COL5A1: variants seen among roughly 807,000 people sequenced by gnomAD.
COL5A1 encodes the protein collagen alpha-1(V) chain.
A neutral mutation model predicts 263.7 loss-of-function variants in COL5A1; 16 were observed. The observed-to-expected ratio is 0.06, with a 90% CI of 0.04 to 0.09. The LOEUF (loss-of-function observed/expected upper bound fraction) is 0.09. Among genes scored for constraint, COL5A1 ranks in the 10% least tolerant of loss-of-function variants. The pLI is 1.00. For missense variants in COL5A1, 2,036 were observed against 2,540.5 expected (o/e 0.80, Z 4.27); for synonymous variants, 1,012 against 1,004.5 (o/e 1.01, Z -0.14).
At chr9:134,777,649 G>A (rs1448186847) in intron 27 of COL5A1, among the ~76,000 whole-genome samples, 3 of 152,138 alleles carry the variant, frequency 2.0e-5, no homozygotes, top group Non-Finnish European at 4.4e-5. Flanking sequence ...CTGTAGGACC[G>A]AGAGGGGTCT....
intron 1 of COL5A1, among the ~76,000 whole-genome samples, chr9:134,643,736 A>G (rs1324895034): frequency 2.0e-5 from 3 of 152,192 alleles, no homozygotes; most frequent in Admixed American, 6.5e-5. Context: ...GGAGAGGAGA[A>G]GGAAGGTGTG....
rs863223441 is a variant in COL5A1, at chr9:134,738,455, CCT to C, written c.1390-12_1390-11del. 1.2e-3 allele frequency: 1,970 copies of C among 1,614,008 alleles called. 6 individuals carry two copies. Among genetic ancestry groups the C allele is most frequent in the Non-Finnish European group, 1.2e-3 (1,395 of 1,180,012 alleles). Reference sequence around the variant, plus strand: ...AGGGATGGGCTGCGGTCTCAGACGCCCTCTCTCTGTCTCCCCAGGGCATGCTC... The same window carrying C: ...AGGGATGGGCTGCGGTCTCAGACGCCCTCTCTGTCTCCCCAGGGCATGCTC... On this transcript the variant is annotated splice_polypyrimidine_tract_variant and intron_variant, in intron 9 of 65. Coordinates refer to ENST00000371817, the MANE Select transcript of COL5A1 (RefSeq NM_000093.5).
At chr9:134,809,937 A>T (rs2132840447) in intron 43 of COL5A1, among the ~76,000 whole-genome samples, 1 of 152,296 alleles carries the variant, frequency 6.6e-6, no homozygotes, top group Admixed American at 6.5e-5. Context: ...GCAACATAGT[A>T]ATTGAGTTGC....
chr9:134,683,107 A>G (rs916910899), intron 1 of COL5A1, among the ~76,000 whole-genome samples: 23 of 152,094 alleles, frequency 1.5e-4, no homozygotes, highest in African/African-American at 5.3e-4. Context: ...CCGCCATGAG[A>G]CGGTGACAGC....
chr9:134,663,150 C>T (rs1239962427), intron 1 of COL5A1, among the ~76,000 whole-genome samples: 1 of 152,232 alleles, frequency 6.6e-6, no homozygotes. Flanking sequence ...GTGCTGGGTG[C>T]ATCCATCGGA....
intron 62 of COL5A1, 148 bp from the exon 63 acceptor site, chr9:134,825,644 A>G: frequency 6.5e-6 from 4 of 614,404 alleles, no homozygotes; most frequent in Non-Finnish European, 1.2e-5. Flanking sequence ...AAAATGCAAT[A>G]AAGTAAACCC....
At chr9:134,771,081 G>T (rs72774438) in intron 25 of COL5A1, among the ~76,000 whole-genome samples, 2,762 of 152,364 alleles carry the variant, frequency 0.018, 31 homozygotes, top group Non-Finnish European at 0.026. Context: ...GTGCGTCTCC[G>T]CAGCGGCGCT....
In COL5A1 at chr9:134,772,423, T is replaced by C. The variant is rs148717613; in HGVS notation, c.2287-367T>C. Among the ~76,000 whole-genome samples, 1,057 of 152,376 alleles carry C rather than the reference T, an allele frequency of 6.9e-3. 8 individuals carry two copies. Among genetic ancestry groups the C allele is most frequent in the African/African-American group, 0.024 (1,005 of 41,596 alleles). On this transcript the variant is annotated intron_variant, in intron 25 of 65. Transcript: ENST00000371817. ...TGTCCCCACTCGTGGGTCACTGGTC[T>C]GTGGACCTGCACTGGAGGGCGGGCT...
chr9:134,721,065 T>C (rs958989924), intron 4 of COL5A1, among the ~76,000 whole-genome samples: 3 of 152,090 alleles, frequency 2.0e-5, no homozygotes, highest in African/African-American at 7.2e-5. Context: ...TAGGACACAG[T>C]GTGTGGCTGC....
At chr9:134,796,258 C>T in intron 34 of COL5A1, 116 bp from the exon 35 acceptor site, 1 of 1,149,892 alleles carries the variant, frequency 8.7e-7, no homozygotes, top group Non-Finnish European at 1.3e-6. Flanking sequence ...GGGCCACCTT[C>T]AGGGGTGCAC....
chr9:134,736,696 A>G lies in COL5A1; in HGVS notation c.1390-1778A>G, dbSNP rs559423988. Reference sequence around the variant, plus strand: ...AAGTTCGAAGTCCAGAGTCTCACCCAAATCAGGTACTGATGAGACTTAGGC... The same window carrying G: ...AAGTTCGAAGTCCAGAGTCTCACCCGAATCAGGTACTGATGAGACTTAGGC... On this transcript the variant is annotated intron_variant, in intron 9 of 65. Coordinates refer to ENST00000371817, the MANE Select transcript of COL5A1 (RefSeq NM_000093.5). Among the ~76,000 whole-genome samples, 4 of 152,328 alleles carry G rather than the reference A, an allele frequency of 2.6e-5. No homozygotes were observed. The South Asian group carries it at 8.3e-4, about 32-fold the overall frequency.
chr9:134,675,223 T>C (rs185052632), intron 1 of COL5A1, among the ~76,000 whole-genome samples: 5 of 152,292 alleles, frequency 3.3e-5, no homozygotes, highest in Admixed American at 2.6e-4. Context: ...TAAACTCCCA[T>C]AGGAGCATAA....
At chr9:134,737,045 C>T (rs761717511) in intron 9 of COL5A1, among the ~76,000 whole-genome samples, 58 of 152,338 alleles carry the variant, frequency 3.8e-4, no homozygotes, top group Non-Finnish European at 7.1e-4. Flanking sequence ...CCCAGGCTGG[C>T]GCTGTATGCT....
intron 2 of COL5A1, among the ~76,000 whole-genome samples, chr9:134,698,360 C>T (rs749510001): frequency 1.6e-4 from 24 of 152,376 alleles, no homozygotes; most frequent in East Asian, 9.6e-4. Context: ...CTGTCAGTGC[C>T]TTAGTGAGAG....
At chr9:134,788,402 G>A (rs761930973) in intron 31 of COL5A1, among the ~76,000 whole-genome samples, 1 of 151,642 alleles carries the variant, frequency 6.6e-6, no homozygotes, top group Non-Finnish European at 1.5e-5. Context: ...AGGGGTAGGT[G>A]GATAGGTAGA....
chr9:134,782,556 C>A, intron 28 of COL5A1, 111 bp from the exon 29 acceptor site: 1 of 1,042,080 alleles, frequency 9.6e-7, no homozygotes, highest in Non-Finnish European at 1.5e-6. Flanking sequence ...TGTGCTGCCC[C>A]CCAAGCGTGG....
At chr9:134,815,791 G>A (rs959652188) in intron 51 of COL5A1, 144 bp from the exon 52 acceptor site, 12 of 1,260,224 alleles carry the variant, frequency 9.5e-6, no homozygotes, top group East Asian at 4.9e-5. Flanking sequence ...GCAAGAAAAC[G>A]CCTTTGACCC....
At chr9:134,819,089 CG>C in intron 57 of COL5A1, 36 bp downstream of exon 57, 1 of 1,605,606 alleles carries the variant, frequency 6.2e-7, no homozygotes. Flanking sequence ...AACTGTGACT[CG>C]GGGCCTTCAA....
chr9:134,662,238 G>A (rs980548687), intron 1 of COL5A1, among the ~76,000 whole-genome samples: 3 of 151,906 alleles, frequency 2.0e-5, no homozygotes, highest in Admixed American at 6.6e-5. Context: ...CTCTGCAGTC[G>A]TGTACGCGGC....
Sources: gnomAD v4.1 joint callset for allele counts (sites outside exome capture counted in the v4.1 genomes callset) on GRCh38, gnomAD v4.1.1 for gene constraint, MANE v1.5 for transcripts, NCBI Gene and HGNC (gene_info 2026-07-23, HGNC 2026-07-21) for gene names.